Variants in NPAS3 observed in about 807,000 individuals in gnomAD.
The protein encoded by NPAS3 is neuronal PAS domain protein 3, also known as neuronal PAS domain-containing protein 3.
NPAS3 carries 14 observed loss-of-function variants against 73.1 expected under a neutral mutation model. The ratio of observed to expected loss-of-function variants is 0.19; its 90% CI spans 0.13 to 0.30. NPAS3 has a LOEUF of 0.30. Ranked by LOEUF, NPAS3 falls within the 10% of genes least tolerant of loss-of-function variation. NPAS3 has a pLI of 1.00. For missense variants in NPAS3, 1,096 were observed against 1,250.0 expected, an observed-to-expected ratio of 0.88 and a Z score of 1.86; for synonymous variants, 620 against 541.5, an observed-to-expected ratio of 1.14 and a Z score of -2.01.
At chr14:33,759,490 A>G (rs2062216800) in intron 7 of NPAS3, among the ~76,000 whole-genome samples, 1 of 152,234 alleles carries the variant, frequency 6.6e-6, no homozygotes, top group African/African-American at 2.4e-5. Context: ...GAGCATTCAT[A>G]TGAAACATTC....
chr14:33,627,844 A>C (rs2140121976), intron 5 of NPAS3, among the ~76,000 whole-genome samples: 1 of 152,344 alleles, frequency 6.6e-6, no homozygotes, highest in South Asian at 2.1e-4. Flanking sequence ...GATGCTGATG[A>C]ATTGGCCACT....
At chr14:33,552,340 G>A (rs1182292963) in intron 4 of NPAS3, among the ~76,000 whole-genome samples, 1 of 152,142 alleles carries the variant, frequency 6.6e-6, no homozygotes, top group East Asian at 1.9e-4. Context: ...ATGTTAGTTA[G>A]GTGACACTGA....
intron 6 of NPAS3, among the ~76,000 whole-genome samples, chr14:33,683,085 A>G (rs1156266746): frequency 6.6e-6 from 1 of 152,092 alleles, no homozygotes; most frequent in East Asian, 1.9e-4. Flanking sequence ...TTTAAATCAC[A>G]GTGGTTACAA....
Position 33,069,565 on chromosome 14 carries a change from T to C in NPAS3, c.140+13571T>C, listed in dbSNP as rs114778865. 5.9e-3 allele frequency among the ~76,000 whole-genome samples: 900 copies of C among 152,336 alleles called. 9 individuals carry two copies. Among genetic ancestry groups the C allele is most frequent in the African/African-American group, 0.02 (818 of 41,574 alleles). On this transcript the variant is annotated intron_variant, in intron 2 of 11. Transcript: ENST00000356141. ...TCCATTACTTATTTGCTGGGTGATC[T>C]TGAACAAGTTACTTAAGCTGCCTGT...
chr14:33,487,399 A>G (rs1229366807), intron 4 of NPAS3, among the ~76,000 whole-genome samples: 1 of 152,180 alleles, frequency 6.6e-6, no homozygotes, highest in Non-Finnish European at 1.5e-5. Flanking sequence ...AATCAGAAAT[A>G]AGTGTGTATA....
intron 4 of NPAS3, among the ~76,000 whole-genome samples, chr14:33,457,258 A>G (rs1016861825): frequency 3.3e-5 from 5 of 152,206 alleles, no homozygotes; most frequent in African/African-American, 1.2e-4. Context: ...GAAATGCTGG[A>G]GCTCAGCAAT....
intron 1 of NPAS3, among the ~76,000 whole-genome samples, chr14:33,041,099 G>T (rs532289637): frequency 6.6e-6 from 1 of 152,202 alleles, no homozygotes; most frequent in East Asian, 1.9e-4. Flanking sequence ...ATCATTATTA[G>T]TATTGGAACT....
intron 4 of NPAS3, among the ~76,000 whole-genome samples, chr14:33,500,118 C>G (rs1464777087): frequency 6.6e-6 from 1 of 151,924 alleles, no homozygotes; most frequent in Non-Finnish European, 1.5e-5. Context: ...GAGGAAGGCA[C>G]CTAACCATTT....
chr14:33,275,402 G>A (rs935080997), intron 3 of NPAS3, among the ~76,000 whole-genome samples: 1 of 152,194 alleles, frequency 6.6e-6, no homozygotes, highest in African/African-American at 2.4e-5. Context: ...ATGGCAACAT[G>A]CTGGGAAAAT....
intron 1 of NPAS3, among the ~76,000 whole-genome samples, chr14:32,957,370 T>C (rs2036713654): frequency 6.6e-6 from 1 of 151,668 alleles, no homozygotes; most frequent in Non-Finnish European, 1.5e-5. Flanking sequence ...GTATTCATTT[T>C]CATTTTTTTT....
chr14:33,603,741 C>T (rs1005416797), intron 5 of NPAS3, among the ~76,000 whole-genome samples: 1 of 152,076 alleles, frequency 6.6e-6, no homozygotes, highest in African/African-American at 2.4e-5. Flanking sequence ...AGAATGAAGA[C>T]TGTCAGAAAC....
At chr14:33,719,717 C>T (rs1180724936) in intron 6 of NPAS3, among the ~76,000 whole-genome samples, 1 of 152,142 alleles carries the variant, frequency 6.6e-6, no homozygotes, top group Non-Finnish European at 1.5e-5. Flanking sequence ...GTACCATTTG[C>T]CTTTCTGATG....
intron 6 of NPAS3, among the ~76,000 whole-genome samples, chr14:33,711,147 C>T (rs544059163): frequency 8.5e-4 from 129 of 152,296 alleles, no homozygotes; most frequent in African/African-American, 3.0e-3. Flanking sequence ...TATAATAAAA[C>T]TTTCCTGATT....
intron 2 of NPAS3, among the ~76,000 whole-genome samples, chr14:33,112,463 G>A (rs1295654995): frequency 2.6e-5 from 4 of 152,294 alleles, no homozygotes; most frequent in South Asian, 2.1e-4. Context: ...CTGCATAGAT[G>A]TCTTCTTTTG....
At chr14:32,981,734 CATCT>C (rs1324884225) in intron 1 of NPAS3, among the ~76,000 whole-genome samples, 1 of 152,142 alleles carries the variant, frequency 6.6e-6, no homozygotes, top group Non-Finnish European at 1.5e-5. Flanking sequence ...AGTCCTGCTT[CATCT>C]TGGGGTGGTG....
chr14:33,678,615 C>A (rs2059838745), intron 6 of NPAS3, among the ~76,000 whole-genome samples: 1 of 152,174 alleles, frequency 6.6e-6, no homozygotes, highest in South Asian at 2.1e-4. Flanking sequence ...GGAACTGTCA[C>A]CTTTCTCAGG....
intron 1 of NPAS3, among the ~76,000 whole-genome samples, chr14:32,993,405 G>A (rs985294751): frequency 1.3e-5 from 2 of 152,134 alleles, no homozygotes; most frequent in African/African-American, 4.8e-5. Context: ...ATCCTAAGAG[G>A]TGAGACATTC....
chr14:33,554,852 C>T (rs1396207324), intron 4 of NPAS3, among the ~76,000 whole-genome samples: 1 of 152,150 alleles, frequency 6.6e-6, no homozygotes, highest in Non-Finnish European at 1.5e-5. Flanking sequence ...CATTAGTATA[C>T]CTTCAGTCAT....
chr14:33,283,371 T>A (rs929056004), intron 3 of NPAS3, among the ~76,000 whole-genome samples: 6 of 152,250 alleles, frequency 3.9e-5, no homozygotes, highest in African/African-American at 1.4e-4. Flanking sequence ...TTCTATGATA[T>A]AGGCGTTATT....
Sources: allele counts gnomAD v4.1 joint callset (sites outside exome capture counted in the v4.1 genomes callset), GRCh38; gene constraint gnomAD v4.1.1; transcripts MANE v1.5; gene names NCBI Gene and HGNC (gene_info 2026-07-23, HGNC 2026-07-21).